PLXNA4: variants seen among roughly 807,000 people sequenced by gnomAD.
PLXNA4 encodes the protein plexin A4, also known as plexin-A4.
Under a neutral mutation model 191.8 loss-of-function variants are expected in PLXNA4, and 44 were observed. That is an observed-to-expected ratio of 0.23 (90% CI 0.18 to 0.29). The LOEUF (loss-of-function observed/expected upper bound fraction) is 0.29. Ranked by LOEUF, PLXNA4 falls within the 10% of genes least tolerant of loss-of-function variation. The pLI is 1.00. For missense variants in PLXNA4, 1,800 were observed against 2,488.8 expected (o/e 0.72, Z 5.89); for synonymous variants, 1,082 against 1,009.5 (o/e 1.07, Z -1.36).
intron 3 of PLXNA4, among the ~76,000 whole-genome samples, chr7:132,310,750 C>T (rs1354221619): frequency 6.6e-6 from 1 of 152,234 alleles, no homozygotes; most frequent in Non-Finnish European, 1.5e-5. Context: ...GCTCTCCCTA[C>T]TGGGCTCTGC....
chr7:132,485,043 A>G, intron 3 of PLXNA4: 1 of 1,608,596 alleles, frequency 6.2e-7, no homozygotes, highest in Non-Finnish European at 8.5e-7. Context: ...TAATTTTAAA[A>G]CAGGCTTGAG....
At chr7:132,596,792 G>C (rs566689104) in intron 2 of PLXNA4, among the ~76,000 whole-genome samples, 1 of 148,678 alleles carries the variant, frequency 6.7e-6, no homozygotes, top group Admixed American at 6.7e-5. Flanking sequence ...TGATGATCAT[G>C]CAATAATTTC....
intron 13 of PLXNA4, among the ~76,000 whole-genome samples, chr7:132,195,455 T>C (rs1162328308): frequency 6.6e-6 from 1 of 152,226 alleles, no homozygotes; most frequent in Non-Finnish European, 1.5e-5. Context: ...AGGCATTGTA[T>C]AGTAGGATAG....
chr7:132,532,609 G>A (rs897698230), intron 1 of PLXNA4, among the ~76,000 whole-genome samples: 1 of 152,118 alleles, frequency 6.6e-6, no homozygotes, highest in Non-Finnish European at 1.5e-5. Flanking sequence ...TACATCTCCA[G>A]ATTCTCCTCT....
intron 31 of PLXNA4, among the ~76,000 whole-genome samples, chr7:132,131,217 CA>C (rs1302289739): frequency 1.3e-5 from 2 of 152,116 alleles, no homozygotes; most frequent in African/African-American, 4.8e-5. Flanking sequence ...TGACAGCCAG[CA>C]AATGTGGCCC....
rs1484087860 is a variant in PLXNA4 at position 132,123,952 on chromosome 7, C to T, written c.*6527G>A. 1.3e-5 allele frequency: 2 copies of T among 152,274 alleles called. No homozygotes were observed. Among genetic ancestry groups the T allele is most frequent in the African/African-American group, 4.8e-5 (2 of 41,446 alleles). 9.4% of individuals were successfully genotyped at this position (152,274 alleles called of 1,614,324 possible). On this transcript the variant is annotated 3_prime_UTR_variant, in exon 32 of 32. Coordinates refer to ENST00000321063, the MANE Select transcript of PLXNA4 (RefSeq NM_020911.2). The stretch of plus-strand genomic sequence containing the variant: ...CTGAGCCATTGTCTGTTGTGGTACC[C>T]TGGAGTTGCTGGTTGCTATGGTAAC...
At chr7:132,418,392 T>G (rs1009193951) in intron 3 of PLXNA4, among the ~76,000 whole-genome samples, 5 of 152,236 alleles carry the variant, frequency 3.3e-5, no homozygotes, top group African/African-American at 1.2e-4. Flanking sequence ...TGAAACTTTC[T>G]GCTGAACATA....
At chr7:132,638,061 C>G (rs965329306) in intron 2 of PLXNA4, among the ~76,000 whole-genome samples, 6 of 152,208 alleles carry the variant, frequency 3.9e-5, no homozygotes, top group Non-Finnish European at 5.9e-5. Context: ...AGCTTTTGAC[C>G]AGGGCCCAGG....
At chr7:132,593,297 C>T (rs1208462778) in intron 2 of PLXNA4, among the ~76,000 whole-genome samples, 1 of 115,024 alleles carries the variant, frequency 8.7e-6, no homozygotes, top group Admixed American at 8.8e-5. Context: ...GAACAGGTCT[C>T]AGGTCTCACT....
chr7:132,646,784 A>G (rs954904010), intron 1 of PLXNA4, among the ~76,000 whole-genome samples: 16 of 152,156 alleles, frequency 1.1e-4, no homozygotes, highest in African/African-American at 3.9e-4. Flanking sequence ...GGCTGGAACT[A>G]GGACCCAATT....
At chr7:132,345,482 C>A (rs1366657724) in intron 3 of PLXNA4, among the ~76,000 whole-genome samples, 1 of 152,216 alleles carries the variant, frequency 6.6e-6, no homozygotes, top group East Asian at 1.9e-4. Flanking sequence ...TCCACAATTA[C>A]AACAACTACC....
chr7:132,486,207 T>C (rs1349844017), intron 3 of PLXNA4, among the ~76,000 whole-genome samples: 1 of 152,170 alleles, frequency 6.6e-6, no homozygotes, highest in Non-Finnish European at 1.5e-5. Context: ...CCTCAGTCAC[T>C]TGCAAAACTT....
intron 2 of PLXNA4, among the ~76,000 whole-genome samples, chr7:132,598,272 C>T (rs1802754937): frequency 6.6e-6 from 1 of 152,094 alleles, no homozygotes; most frequent in African/African-American, 2.4e-5. Context: ...CCATGCCTGG[C>T]TAATTTTTGT....
At chr7:132,300,145 T>C (rs951534116) in intron 3 of PLXNA4, among the ~76,000 whole-genome samples, 1 of 152,234 alleles carries the variant, frequency 6.6e-6, no homozygotes, top group African/African-American at 2.4e-5. Flanking sequence ...GATGCACTGA[T>C]AATAGACAAG....
intron 2 of PLXNA4, among the ~76,000 whole-genome samples, chr7:132,614,680 G>A (rs561065049): frequency 1.2e-4 from 18 of 152,336 alleles, no homozygotes; most frequent in East Asian, 7.7e-4. Flanking sequence ...CACAGCTGAC[G>A]GGACAGAGGC....
rs776724490 is a variant in PLXNA4, at chr7:132,164,334, G to A, written c.4354-46C>T. ...ATTAGGAGGAGCTCTTGGAACACTG[G>A]AGTGTACCCCCAGTCCCTGCTTCTC... is the stretch of plus-strand genomic sequence containing the variant. On this transcript the variant is annotated intron_variant, in intron 23 of 31. Coordinates refer to ENST00000321063, the MANE Select transcript of PLXNA4 (RefSeq NM_020911.2). 2.5e-6 allele frequency: 4 copies of A among 1,604,754 alleles called. No individual in the cohort carries two copies. The African/African-American group carries it at 5.4e-5, about 21-fold the overall frequency.
intron 2 of PLXNA4, among the ~76,000 whole-genome samples, chr7:132,499,334 T>C (rs1798154397): frequency 6.6e-6 from 1 of 152,228 alleles, no homozygotes; most frequent in African/African-American, 2.4e-5. Flanking sequence ...AGAATTGAAA[T>C]TCTGCAGATG....
At chr7:132,168,663 C>T in intron 21 of PLXNA4, 91 bp from the exon 22 acceptor site, 1 of 1,454,874 alleles carries the variant, frequency 6.9e-7, no homozygotes, top group South Asian at 1.5e-5. Flanking sequence ...ATCCATGACC[C>T]TCTCATCCAC....
chr7:132,523,097 C>A (rs1799254068), intron 1 of PLXNA4, among the ~76,000 whole-genome samples: 1 of 151,784 alleles, frequency 6.6e-6, no homozygotes, highest in Non-Finnish European at 1.5e-5. Flanking sequence ...GCTCCCTAGA[C>A]TCTACACCGG....
Sources: allele counts gnomAD v4.1 joint callset (sites outside exome capture counted in the v4.1 genomes callset), GRCh38; gene constraint gnomAD v4.1.1; transcripts MANE v1.5; gene names NCBI Gene and HGNC (gene_info 2026-07-23, HGNC 2026-07-21).